The following COMMD10 variants were observed in gnomAD, a reference collection of about 807,000 sequenced individuals.
The protein encoded by COMMD10 is COMM domain containing 10, also known as COMM domain-containing protein 10.
A neutral mutation model predicts 28.9 loss-of-function variants in COMMD10; 33 were observed. That is an observed-to-expected ratio of 1.14 (90% CI 0.87 to 1.53). The LOEUF (loss-of-function observed/expected upper bound fraction) is 1.53, where lower values mean the gene tolerates loss of function less well. Among genes scored for constraint, COMMD10 ranks in the 40% most tolerant of loss-of-function variants. COMMD10 has a pLI of 0.00. For synonymous variants in COMMD10, 110 were observed against 81.7 expected (o/e 1.35, Z -1.87); for missense variants, 310 against 233.4 (o/e 1.33, Z -2.14).
At chr5:116,117,505 A>C (rs542895425) in intron 4 of COMMD10, among the ~76,000 whole-genome samples, 2 of 152,182 alleles carry the variant, frequency 1.3e-5, no homozygotes, top group Non-Finnish European at 2.9e-5. Flanking sequence ...TCTGTGGCCC[A>C]GGCTGGAGTG....
chr5:116,259,158 G>T (rs1249628174), intron 5 of COMMD10, among the ~76,000 whole-genome samples: 2 of 150,148 alleles, frequency 1.3e-5, no homozygotes, highest in Non-Finnish European at 2.9e-5. Flanking sequence ...TGCTTCCTGG[G>T]TTCAAGTGAT....
chr5:116,230,341 A>G (rs1376304733), intron 5 of COMMD10, among the ~76,000 whole-genome samples: 1 of 152,016 alleles, frequency 6.6e-6, no homozygotes, highest in Non-Finnish European at 1.5e-5. Flanking sequence ...TGCTCTTCAG[A>G]TATTTCTCTA....
intron 4 of COMMD10, among the ~76,000 whole-genome samples, chr5:116,133,025 C>G (rs1751910140): frequency 6.6e-6 from 1 of 152,232 alleles, no homozygotes; most frequent in South Asian, 2.1e-4. Context: ...CTTTGAGTCA[C>G]TGCTGTGATT....
chr5:116,219,879 C>T lies in COMMD10; in HGVS notation c.511-71638C>T, dbSNP rs145281355. 2.3e-3 allele frequency among the ~76,000 whole-genome samples: 354 copies of T among 152,066 alleles called. 2 individuals are homozygous for T. Among genetic ancestry groups the T allele is most frequent in the African/African-American group, 7.5e-3 (313 of 41,468 alleles). On this transcript the variant is annotated intron_variant, in intron 5 of 6. Transcript: ENST00000274458. The stretch of plus-strand genomic sequence containing the variant: ...GATTACTTTGCTATTTTTTTGTAAA[C>T]TGCCTCTTTCTGGTATTTTTTTCAA...
At chr5:116,231,111 CTTT>C (rs1348909941) in intron 5 of COMMD10, among the ~76,000 whole-genome samples, 1 of 152,114 alleles carries the variant, frequency 6.6e-6, no homozygotes, top group African/African-American at 2.4e-5. Flanking sequence ...GTTTTGCCAG[CTTT>C]TAGAGCCTCT....
Position 116,247,080 on chromosome 5 carries a change from A to G in COMMD10, c.511-44437A>G, listed in dbSNP as rs559731437. Among the ~76,000 whole-genome samples the G allele has an allele frequency of 3.4e-4, 51 of 152,198 alleles. No homozygotes were observed. In the South Asian group the frequency reaches 5.0e-3, roughly 15 times the overall value. ...ATCTTTGCAAACTTTGCATCCAACA[A>G]AGGTCTAATATCTAGTATCTATACG... On this transcript the variant is annotated intron_variant, in intron 5 of 6. Coordinates refer to ENST00000274458, the MANE Select transcript of COMMD10 (RefSeq NM_016144.4).
chr5:116,140,958 G>A (rs1193162794), intron 5 of COMMD10, among the ~76,000 whole-genome samples: 4 of 151,500 alleles, frequency 2.6e-5, no homozygotes, highest in African/African-American at 9.7e-5. Context: ...TTTATTTTTT[G>A]CTTTTGTTCC....
chr5:116,096,650 C>G (rs1436542809), intron 4 of COMMD10, among the ~76,000 whole-genome samples: 1 of 152,048 alleles, frequency 6.6e-6, no homozygotes, highest in African/African-American at 2.4e-5. Context: ...TCTGAATATC[C>G]TTGCCTTGTT....
chr5:116,132,996 T>C (rs1751908946), intron 4 of COMMD10, among the ~76,000 whole-genome samples: 1 of 152,162 alleles, frequency 6.6e-6, no homozygotes, highest in African/African-American at 2.4e-5. Flanking sequence ...ATACTTCCAT[T>C]GCTGTCTTTC....
chr5:116,251,290 A>T (rs62385976), intron 5 of COMMD10, among the ~76,000 whole-genome samples: 21,747 of 136,908 alleles, frequency 0.16, 2,155 homozygotes, highest in African/African-American at 0.34. Flanking sequence ...TTATTTATTT[A>T]TTTATTTATT....
chr5:116,233,019 C>G (rs577233599), intron 5 of COMMD10, among the ~76,000 whole-genome samples: 2 of 152,100 alleles, frequency 1.3e-5, no homozygotes, highest in African/African-American at 4.8e-5. Context: ...ATGTGGAGCA[C>G]GGTAGCATTT....
chr5:116,218,042 C>T, intron 5 of COMMD10: 1 of 1,121,206 alleles, frequency 8.9e-7, no homozygotes, highest in Non-Finnish European at 1.3e-6. Context: ...ACCTCCAGCA[C>T]CTTCAGCTTT....
intron 5 of COMMD10, among the ~76,000 whole-genome samples, chr5:116,199,248 T>C (rs1006071269): frequency 1.3e-5 from 2 of 152,174 alleles, no homozygotes; most frequent in African/African-American, 2.4e-5. Context: ...ATTTGGCATC[T>C]GTGTAACTTC....
intron 5 of COMMD10, among the ~76,000 whole-genome samples, chr5:116,171,338 G>A (rs1394390611): frequency 2.0e-5 from 3 of 152,188 alleles, no homozygotes; most frequent in Non-Finnish European, 2.9e-5. Context: ...CCAGATGCTG[G>A]AGAGGGTGTG....
intron 5 of COMMD10, among the ~76,000 whole-genome samples, chr5:116,197,223 C>T (rs1441241047): frequency 6.6e-6 from 1 of 152,064 alleles, no homozygotes; most frequent in East Asian, 1.9e-4. Context: ...ATTCAGCATC[C>T]ATTTGGTGGT....
At chr5:116,095,009 G>A (rs902115924) in intron 4 of COMMD10, among the ~76,000 whole-genome samples, 3 of 152,168 alleles carry the variant, frequency 2.0e-5, no homozygotes, top group African/African-American at 7.2e-5. Context: ...ACCAGAGGCT[G>A]AGAAGAATGC....
At chr5:116,284,965 A>C (rs746882127) in intron 5 of COMMD10, among the ~76,000 whole-genome samples, 2 of 151,970 alleles carry the variant, frequency 1.3e-5, no homozygotes, top group Non-Finnish European at 2.9e-5. Flanking sequence ...AAATTGTTTG[A>C]AAATCCACTT....
intron 6 of COMMD10, 151 bp downstream of exon 6, chr5:116,291,727 T>C: frequency 1.9e-6 from 1 of 524,262 alleles, no homozygotes; most frequent in Non-Finnish European, 3.3e-6. Flanking sequence ...CAGGAGGAAG[T>C]ATAGCAGAAA....
chr5:116,255,814 G>A (rs1271271411), intron 5 of COMMD10: 1 of 150,690 alleles, frequency 6.6e-6, no homozygotes, highest in Non-Finnish European at 1.5e-5. Context: ...TACCTTTTTT[G>A]CCTGTAAGCC....
Sources: gnomAD v4.1 joint callset for allele counts (sites outside exome capture counted in the v4.1 genomes callset) on GRCh38, gnomAD v4.1.1 for gene constraint, MANE v1.5 for transcripts, NCBI Gene and HGNC (gene_info 2026-07-23, HGNC 2026-07-21) for gene names.